Variants in PTPRD observed in about 807,000 individuals in gnomAD.
The protein encoded by PTPRD is protein tyrosine phosphatase receptor type D, also known as receptor-type tyrosine-protein phosphatase delta.
In PTPRD, 34 loss-of-function variants were observed where a neutral mutation model predicts 214.5. That is an observed-to-expected ratio of 0.16 (90% CI 0.12 to 0.21). The LOEUF (loss-of-function observed/expected upper bound fraction) is 0.21. Among genes scored for constraint, PTPRD ranks in the 10% least tolerant of loss-of-function variants. The probability of loss-of-function intolerance (pLI) is 1.00; values close to 1 mark genes in which losing one functional copy is unlikely to be tolerated. For synonymous variants in PTPRD, 1,128 were observed against 845.7 expected, an observed-to-expected ratio of 1.33 and a Z score of -5.79; for missense variants, 2,545 against 2,398.7, an observed-to-expected ratio of 1.06 and a Z score of -1.27.
chr9:9,314,929 G>C (rs1961735466), intron 9 of PTPRD, among the ~76,000 whole-genome samples: 1 of 151,880 alleles, frequency 6.6e-6, no homozygotes, highest in South Asian at 2.1e-4. Flanking sequence ...ATTTATTACA[G>C]TAATTTACTT....
chr9:9,880,592 T>C (rs1270185330), intron 5 of PTPRD, among the ~76,000 whole-genome samples: 3 of 152,186 alleles, frequency 2.0e-5, no homozygotes, highest in African/African-American at 7.2e-5. Flanking sequence ...TTGGCTTCAA[T>C]GCACTAGAGG....
chr9:9,594,859 C>A (rs981075661), intron 7 of PTPRD, among the ~76,000 whole-genome samples: 1 of 152,108 alleles, frequency 6.6e-6, no homozygotes, highest in East Asian at 1.9e-4. Flanking sequence ...AATACAGAAT[C>A]TACAAAGAAC....
intron 8 of PTPRD, among the ~76,000 whole-genome samples, chr9:9,561,837 C>A (rs1222211671): frequency 6.6e-6 from 1 of 152,170 alleles, no homozygotes; most frequent in African/African-American, 2.4e-5. Context: ...GGTTCCTTCT[C>A]CTTCCAAGCT....
At chr9:9,242,364 T>C (rs926497608) in intron 9 of PTPRD, among the ~76,000 whole-genome samples, 5 of 152,244 alleles carry the variant, frequency 3.3e-5, no homozygotes, top group Non-Finnish European at 7.4e-5. Flanking sequence ...TGGCATTCTC[T>C]GTATTTCCTG....
At position 9,933,404 on chromosome 9, in the gene PTPRD, C is replaced by CA. The variant is rs1194197547; in HGVS notation, c.-368+5102dup. On this transcript the variant is annotated intron_variant, in intron 5 of 45. Transcript: ENST00000381196. ...GAAGATCTACCAAGCAAATGGAAAA[C>CA]AAAAAAAGGCAGGGGTTGCAATCCT... is the stretch of plus-strand genomic sequence containing the variant. Among the ~76,000 whole-genome samples the CA allele has an allele frequency of 1.1e-4, 17 of 151,518 alleles. No homozygotes were observed. In the South Asian group the frequency reaches 1.5e-3, roughly 13 times the overall value.
At chr9:8,896,409 T>A (rs1006530822) in intron 11 of PTPRD, among the ~76,000 whole-genome samples, 5 of 152,098 alleles carry the variant, frequency 3.3e-5, no homozygotes. Context: ...CTGAAACTAA[T>A]ATAGATGGCA....
intron 2 of PTPRD, among the ~76,000 whole-genome samples, chr9:10,456,263 A>G (rs528856036): frequency 6.6e-5 from 10 of 152,038 alleles, no homozygotes; most frequent in African/African-American, 2.4e-4. Context: ...GTTTTGAAAT[A>G]CCATTTCATA....
At chr9:9,595,322 TTATATATATAATATATATTG>T (rs1563937012) in intron 7 of PTPRD, among the ~76,000 whole-genome samples, 1 of 75,428 alleles carries the variant, frequency 1.3e-5, no homozygotes, top group Non-Finnish European at 3.9e-5. Context: ...TATATATATT[TTATATATATAATATATATTG>T]TATATTCATC....
chr9:10,191,321 TA>T, intron 3 of PTPRD, among the ~76,000 whole-genome samples: 1 of 152,214 alleles, frequency 6.6e-6, no homozygotes, highest in East Asian at 1.9e-4. Context: ...TTCTTTCTTA[TA>T]AAACCAATTT....
rs144008899 is a variant in PTPRD, at chr9:9,663,259, G to T, written c.-287+71274C>A. Among the ~76,000 whole-genome samples, 359 of 150,920 alleles carry T rather than the reference G, an allele frequency of 2.4e-3. 1 individual carries two copies. Among genetic ancestry groups the T allele is most frequent in the African/African-American group, 8.4e-3 (348 of 41,286 alleles). On this transcript the variant is annotated intron_variant, in intron 7 of 45. Transcript: ENST00000381196. ...AGAAAATACAACTTATTTTTAAATA[G>T]GATTATATAATTGTACTGATTAATA...
intron 8 of PTPRD, among the ~76,000 whole-genome samples, chr9:9,505,608 C>G (rs1569568879): frequency 6.6e-6 from 1 of 151,382 alleles, no homozygotes; most frequent in African/African-American, 2.4e-5. Context: ...CTTGTCAAGT[C>G]AATGGCCATA....
chr9:9,448,070 A>G (rs956877684), intron 8 of PTPRD, among the ~76,000 whole-genome samples: 3 of 152,090 alleles, frequency 2.0e-5, no homozygotes, highest in Non-Finnish European at 2.9e-5. Flanking sequence ...TGCTGCTGTG[A>G]TAGAAACAGG....
chr9:8,942,262 C>G (rs537677071), intron 11 of PTPRD, among the ~76,000 whole-genome samples: 11 of 152,198 alleles, frequency 7.2e-5, no homozygotes. Flanking sequence ...TAACAATATA[C>G]TTTTTTCTGG....
chr9:9,450,156 A>T (rs1403044769), intron 8 of PTPRD, among the ~76,000 whole-genome samples: 4 of 150,472 alleles, frequency 2.7e-5, no homozygotes, highest in African/African-American at 9.8e-5. Context: ...CAGTTTCTTT[A>T]TCCACTCTGA....
chr9:10,209,540 G>A (rs1022670941), intron 3 of PTPRD, among the ~76,000 whole-genome samples: 1 of 151,936 alleles, frequency 6.6e-6, no homozygotes, highest in African/African-American at 2.4e-5. Flanking sequence ...GCATAGAACT[G>A]GATTCCAGTA....
Position 8,315,339 on chromosome 9 carries a change from G to A in PTPRD, c.*2535C>T. 4.3e-6 allele frequency: 1 copy of A among 232,492 alleles called. No individual in the cohort carries two copies. Among genetic ancestry groups the A allele is most frequent in the Non-Finnish European group, 8.5e-6 (1 of 117,342 alleles). The allele number at this position is 232,492 out of a possible 1,614,324, so 14.4% of individuals were successfully genotyped here. A position where few individuals can be genotyped will look rare whatever the true frequency, so the allele number is the denominator to read the frequency against. On this transcript the variant is annotated 3_prime_UTR_variant, in exon 46 of 46. Transcript: ENST00000381196. ...TCCCTTTGCCAAATGGGCAGTTATT[G>A]TTTCAGGGAGAGAAGCTGCTCATTG...
chr9:8,900,133 T>A (rs893985873), intron 11 of PTPRD, among the ~76,000 whole-genome samples: 4 of 152,190 alleles, frequency 2.6e-5, no homozygotes, highest in Non-Finnish European at 5.9e-5. Flanking sequence ...AGCGGACTTA[T>A]ATGACATACT....
chr9:10,087,896 T>A (rs139633305), intron 3 of PTPRD, among the ~76,000 whole-genome samples: 1 of 151,776 alleles, frequency 6.6e-6, no homozygotes, highest in Admixed American at 6.6e-5. Context: ...ATACTTCTCA[T>A]GTAAGCATAA....
chr9:10,141,293 A>T (rs146070236), intron 3 of PTPRD, among the ~76,000 whole-genome samples: 4,368 of 152,238 alleles, frequency 0.029, 81 homozygotes, highest in Middle Eastern at 0.071. Flanking sequence ...TTCAATTAGG[A>T]AAAGAGGAAG....
Sources: allele counts gnomAD v4.1 joint callset (sites outside exome capture counted in the v4.1 genomes callset), GRCh38; gene constraint gnomAD v4.1.1; transcripts MANE v1.5; gene names NCBI Gene and HGNC (gene_info 2026-07-23, HGNC 2026-07-21).